Variants in KLC1 observed in about 807,000 individuals in gnomAD.
KLC1 encodes the protein kinesin light chain 1.
KLC1 carries 30 observed loss-of-function variants against 84.2 expected under a neutral mutation model. That is an observed-to-expected ratio of 0.36 (90% CI 0.27 to 0.48). KLC1 has a LOEUF of 0.48. KLC1 is among the 20% of genes least tolerant of loss of function. The pLI is 0.99. For missense variants in KLC1, 499 were observed against 805.4 expected (o/e 0.62, Z 4.60); for synonymous variants, 289 against 293.3 (o/e 0.99, Z 0.15).
chr14:103,683,331 G>T (rs1384090837), intron 13 of KLC1: 1 of 152,240 alleles, frequency 6.6e-6, no homozygotes, highest in Admixed American at 6.5e-5. Context: ...ACTTGACAGC[G>T]GCACCTCTGT....
At chr14:103,632,290 G>A (rs926354730) in intron 1 of KLC1, among the ~76,000 whole-genome samples, 2 of 151,946 alleles carry the variant, frequency 1.3e-5, no homozygotes, top group Non-Finnish European at 2.9e-5. Context: ...GCCAGGTGTG[G>A]TGGTGCACAC....
chr14:103,655,192 A>C (rs1037179707), intron 2 of KLC1, among the ~76,000 whole-genome samples: 2 of 152,106 alleles, frequency 1.3e-5, no homozygotes, highest in African/African-American at 2.4e-5. Context: ...GCATCACTGC[A>C]CTCCAGCCTG....
intron 14 of KLC1, among the ~76,000 whole-genome samples, chr14:103,688,617 G>A (rs940266501): frequency 6.6e-6 from 1 of 152,150 alleles, no homozygotes; most frequent in Admixed American, 6.5e-5. Flanking sequence ...CCTCTTGTCC[G>A]CTTGGTATCC....
At chr14:103,647,386 G>A (rs927303730) in intron 1 of KLC1, among the ~76,000 whole-genome samples, 2 of 151,490 alleles carry the variant, frequency 1.3e-5, no homozygotes. Context: ...ACCACACCCA[G>A]CTAATTTTTG....
intron 1 of KLC1, among the ~76,000 whole-genome samples, chr14:103,646,499 A>G (rs2077939501): frequency 6.6e-6 from 1 of 152,036 alleles, no homozygotes; most frequent in African/African-American, 2.4e-5. Flanking sequence ...TATTATATGT[A>G]TGCATATATA....
Position 103,677,422 on chromosome 14 carries a change from G to A in KLC1, c.1387G>A (p.Val463Ile), listed in dbSNP as rs1181521186. The A allele has an allele frequency of 6.2e-7, 1 of 1,607,286 alleles. No homozygotes were observed. The highest frequency in any genetic ancestry group is 8.5e-7 in the Non-Finnish European group (1 of 1,173,788). The change falls in exon 12 of 17, where the codon GTT becomes ATT. Residue 463 changes from valine (V) to isoleucine (I), a missense_variant. Physicochemically the swap from Val to Ile is conservative, Grantham distance 29. Coordinates refer to ENST00000334553, the MANE Select transcript of KLC1 (RefSeq NM_001394837.1). ...TCATGTGCTTTCTTACAGTCCAACT[G>A]TTACAACCACTCTAAAAAACCTTGG... ...YKACKVDSPT[V>I]TTTLKNLGAL...
At chr14:103,670,689 G>C (rs1418680349) in intron 7 of KLC1, among the ~76,000 whole-genome samples, 1 of 151,936 alleles carries the variant, frequency 6.6e-6, no homozygotes, top group Admixed American at 6.6e-5. Context: ...AATAACCACT[G>C]TGATGTGTTT....
intron 15 of KLC1, chr14:103,698,677 G>GGAA (rs2082786370): frequency 1.1e-6 from 1 of 894,160 alleles, no homozygotes. Flanking sequence ...CCGCTGCCCT[G>GGAA]GAAGAGCTGT....
chr14:103,654,066 C>T (rs1354573402), intron 1 of KLC1, among the ~76,000 whole-genome samples: 5 of 152,198 alleles, frequency 3.3e-5, no homozygotes, highest in Non-Finnish European at 5.9e-5. Flanking sequence ...CCTTGATGCC[C>T]TGTGTCTTCC....
intron 2 of KLC1, among the ~76,000 whole-genome samples, chr14:103,655,084 G>A (rs376460180): frequency 3.3e-5 from 5 of 151,786 alleles, no homozygotes; most frequent in African/African-American, 9.7e-5. Context: ...AAAATTAGCC[G>A]GGCCTGGTGG....
Position 103,699,663 on chromosome 14 carries a change from C to G in KLC1, c.1849-992C>G, listed in dbSNP as rs2082952033. On this transcript the variant is annotated intron_variant, in intron 15 of 16. Coordinates refer to ENST00000334553, the MANE Select transcript of KLC1 (RefSeq NM_001394837.1). ...CCCGTTTGGACTGTCACTCGACCGT[C>G]TGAAAACCTTCCTACCCACCTGGGG... is the stretch of plus-strand genomic sequence containing the variant. 4 of 1,380,520 alleles carry G rather than the reference C, an allele frequency of 2.9e-6. No individual in the cohort carries two copies. The South Asian group carries it at 3.5e-5, about 12-fold the overall frequency. The allele number at this position is 1,380,520 out of a possible 1,614,324, so 85.5% of individuals were successfully genotyped here.
intron 11 of KLC1, 136 bp from the exon 12 acceptor site, chr14:103,677,279 C>G: frequency 3.1e-6 from 2 of 648,726 alleles, no homozygotes; most frequent in Non-Finnish European, 5.5e-6. Flanking sequence ...TTTACAGTTT[C>G]AGAAAAGTAC....
rs781648741 is a variant in KLC1, at chr14:103,679,507, G to A, written c.1612G>A (p.Gly538Arg). Residue 538 changes from glycine (G) to arginine (R), a missense_variant, in exon 13 of 17, where the codon GGA becomes AGA. Gly to Arg is a moderately radical substitution (Grantham distance 125). Transcript: ENST00000334553. ...GGTCAAGTACGAGAGTGGCCCTGAC[G>A]GAGGGGAGGAAGTGAGTATGAGCGT... ...DVVKYESGPD[G>R]GEEVSMSVEW... 2.5e-6 allele frequency: 4 copies of A among 1,614,038 alleles called. No homozygotes were observed. The highest frequency in any genetic ancestry group is 2.2e-5 in the South Asian group (2 of 91,076).
At chr14:103,678,744 A>G (rs2081130921) in intron 12 of KLC1, among the ~76,000 whole-genome samples, 2 of 152,162 alleles carry the variant, frequency 1.3e-5, no homozygotes, top group Admixed American at 1.3e-4. Flanking sequence ...ACAGGGGAAG[A>G]TATTTGCAAA....
At chr14:103,667,054 C>T (rs1442000185) in intron 5 of KLC1, among the ~76,000 whole-genome samples, 1 of 152,156 alleles carries the variant, frequency 6.6e-6, no homozygotes, top group Non-Finnish European at 1.5e-5. Flanking sequence ...GTTGGGATTA[C>T]AGGCGTGAGC....
chr14:103,699,537 G>A (rs761781412), intron 15 of KLC1: 145 of 1,613,448 alleles, frequency 9.0e-5, no homozygotes, highest in Non-Finnish European at 1.1e-4. Context: ...CGAGACAGCA[G>A]TACGGGGACC....
chr14:103,630,346 GCTGC>G (rs2076580085), intron 1 of KLC1, among the ~76,000 whole-genome samples: 1 of 152,204 alleles, frequency 6.6e-6, no homozygotes, highest in African/African-American at 2.4e-5. Context: ...TAGAATTGTT[GCTGC>G]CTGTTACTGT....
chr14:103,663,036 T>C, intron 5 of KLC1, 109 bp downstream of exon 5: 1 of 666,742 alleles, frequency 1.5e-6, no homozygotes, highest in Non-Finnish European at 2.4e-6. Flanking sequence ...TTTTCAACCA[T>C]ATCCACTTCT....
chr14:103,674,300 A>G (rs574182068), intron 9 of KLC1, among the ~76,000 whole-genome samples: 1 of 152,280 alleles, frequency 6.6e-6, no homozygotes, highest in East Asian at 1.9e-4. Context: ...ATATTTTCAT[A>G]AACATTACTT....
Sources: gnomAD v4.1 joint callset for allele counts (sites outside exome capture counted in the v4.1 genomes callset) on GRCh38, gnomAD v4.1.1 for gene constraint, MANE v1.5 for transcripts, NCBI Gene and HGNC (gene_info 2026-07-23, HGNC 2026-07-21) for gene names.